DYNC2H1: variants seen among roughly 807,000 people sequenced by gnomAD.
DYNC2H1 encodes the protein dynein cytoplasmic 2 heavy chain 1.
DYNC2H1 carries 410 observed loss-of-function variants against 570.0 expected under a neutral mutation model. That is an observed-to-expected ratio of 0.72 (90% CI 0.66 to 0.78). DYNC2H1 has a LOEUF of 0.78. DYNC2H1 is among the 30% of genes least tolerant of loss of function. The probability of loss-of-function intolerance (pLI) is 0.00; values close to 1 mark genes in which losing one functional copy is unlikely to be tolerated. For missense variants in DYNC2H1, 4,865 were observed against 5,046.4 expected (o/e 0.96, Z 1.09); for synonymous variants, 1,688 against 1,677.6 (o/e 1.01, Z -0.15).
At chr11:103,337,341 A>G (rs907947606) in intron 82 of DYNC2H1, among the ~76,000 whole-genome samples, 4 of 152,096 alleles carry the variant, frequency 2.6e-5, no homozygotes, top group Admixed American at 2.0e-4. Context: ...TCCACATGCC[A>G]TATTTCTGTG....
At chr11:103,294,239 A>G (rs1454781600) in intron 75 of DYNC2H1, among the ~76,000 whole-genome samples, 2 of 152,130 alleles carry the variant, frequency 1.3e-5, no homozygotes, top group Admixed American at 1.3e-4. Flanking sequence ...TGCTGAGGTC[A>G]TGTTTTCTTG....
chr11:103,478,951 G>A (rs1353995972), intron 88 of DYNC2H1, 144 bp from the exon 89 acceptor site: 1 of 934,748 alleles, frequency 1.1e-6, no homozygotes, highest in Admixed American at 2.8e-5. Context: ...GTTTCATTTT[G>A]TTGCAGGGGG....
chr11:103,199,816 A>G lies in DYNC2H1; in HGVS notation c.8089-230A>G, dbSNP rs72989785. On this transcript the variant is annotated intron_variant, in intron 49 of 88. Coordinates refer to ENST00000375735, the MANE Select transcript of DYNC2H1 (RefSeq NM_001377.3). This position sits in a 1 kb window ranked among gnomAD's most constrained non-coding sequence, Gnocchi z 4.6. Reference sequence around the variant, plus strand: ...ATATGAGTAGAGATAAAAATGATCTACTTGTTTTAATTTTAATGGCCTAGC... The same window carrying G: ...ATATGAGTAGAGATAAAAATGATCTGCTTGTTTTAATTTTAATGGCCTAGC... Among the ~76,000 whole-genome samples, 7,563 of 152,268 alleles carry G rather than the reference A, an allele frequency of 0.05. 254 individuals are homozygous for G. The highest frequency in any genetic ancestry group is 0.072 in the Non-Finnish European group (4,863 of 67,994).
In DYNC2H1 at chr11:103,170,420, T is replaced by C. The variant is rs1012284290; in HGVS notation, c.5151+130T>C. On this transcript the variant is annotated intron_variant, in intron 33 of 88. Coordinates refer to ENST00000375735, the MANE Select transcript of DYNC2H1 (RefSeq NM_001377.3). This position sits in a 1 kb window ranked among gnomAD's most constrained non-coding sequence, Gnocchi z 4.8. ...TAGTTGAAGACAGAATTTGTTTAAA[T>C]TGAAATGTAAAATGGACAGAGGTTG... The C allele has an allele frequency of 2.0e-6, 2 of 1,002,318 alleles. No individual in the cohort carries two copies. The highest frequency in any genetic ancestry group is 2.1e-5 in the South Asian group (1 of 47,758). 62.1% of individuals were successfully genotyped at this position (1,002,318 alleles called of 1,614,324 possible).
At chr11:103,425,150 G>A (rs1247536254) in intron 84 of DYNC2H1, among the ~76,000 whole-genome samples, 1 of 152,104 alleles carries the variant, frequency 6.6e-6, no homozygotes, top group African/African-American at 2.4e-5. Flanking sequence ...TGTTGGCCAG[G>A]CTGTTTTTGA....
At chr11:103,473,937 C>T (rs1176380979) in intron 88 of DYNC2H1, among the ~76,000 whole-genome samples, 1 of 152,146 alleles carries the variant, frequency 6.6e-6, no homozygotes, top group African/African-American at 2.4e-5. Context: ...ACAAGCTACT[C>T]AGGAAAACAA....
intron 35 of DYNC2H1, among the ~76,000 whole-genome samples, chr11:103,173,749 A>G (rs1024310722): frequency 6.6e-6 from 1 of 152,126 alleles, no homozygotes; most frequent in Non-Finnish European, 1.5e-5. Flanking sequence ...AGACAGTGTC[A>G]GAGATTGAGA....
intron 54 of DYNC2H1, 143 bp from the exon 55 acceptor site, chr11:103,215,578 A>C: frequency 1.4e-6 from 1 of 691,310 alleles, no homozygotes; most frequent in Middle Eastern, 4.3e-4. Context: ...AATTAGCAAT[A>C]AGAAAAAACC....
At chr11:103,300,399 GCTCT>G (rs1368311335) in intron 75 of DYNC2H1, among the ~76,000 whole-genome samples, 1 of 151,628 alleles carries the variant, frequency 6.6e-6, no homozygotes, top group Non-Finnish European at 1.5e-5. Context: ...ATTATTTTTG[GCTCT>G]CTAACTATAT....
At position 103,163,300 on chromosome 11, in the gene DYNC2H1, C is replaced by T. The variant is rs188810709; in HGVS notation, c.4611+153C>T. Among the ~76,000 whole-genome samples, 1 of 152,266 alleles carries T rather than the reference C, an allele frequency of 6.6e-6. No homozygotes were observed. The highest frequency in any genetic ancestry group is 2.4e-5 in the African/African-American group (1 of 41,570). On this transcript the variant is annotated intron_variant, in intron 30 of 88. Transcript: ENST00000375735. This position sits in a 1 kb window ranked among gnomAD's most constrained non-coding sequence, Gnocchi z 4.6. ...CTTAACTTCTGAGTCTCAGTTCCTT[C>T]AGCTGTAAAATGTGGGGGATGAATT... is the stretch of plus-strand genomic sequence containing the variant.
At position 103,350,583 on chromosome 11, in the gene DYNC2H1, A is replaced by G. The variant is rs146950359; in HGVS notation, c.12040-7660A>G. ...GTTGTATTAGTTGGCTTGGCCTGCT[A>G]TAACAAAATACCACAAATTGAGTGG... On this transcript the variant is annotated intron_variant, in intron 82 of 88. Transcript: ENST00000375735. 5.0e-3 allele frequency among the ~76,000 whole-genome samples: 757 copies of G among 152,318 alleles called. 2 individuals carry two copies. The highest frequency in any genetic ancestry group is 0.017 in the African/African-American group (724 of 41,588).
intron 55 of DYNC2H1, among the ~76,000 whole-genome samples, chr11:103,217,092 C>A (rs576005350): frequency 1.3e-5 from 2 of 152,230 alleles, no homozygotes; most frequent in South Asian, 4.1e-4. Context: ...ACCTTGTCAA[C>A]TAGGCACTAA....
chr11:103,220,550 C>T, intron 56 of DYNC2H1, 73 bp from the exon 57 acceptor site: 1 of 1,403,494 alleles, frequency 7.1e-7, no homozygotes, highest in Non-Finnish European at 9.5e-7. Context: ...GACAATAAAA[C>T]ATAATTTTTC....
Position 103,479,527 on chromosome 11 carries a change from G to C in DYNC2H1, c.*274G>C. ...CACTTTTCCAGTGGCTCAAAAATTT[G>C]TTTTAGGTCAGAGATTTTAAGTGGT... is the stretch of plus-strand genomic sequence containing the variant. On this transcript the variant is annotated 3_prime_UTR_variant, in exon 89 of 89. Coordinates refer to ENST00000375735, the MANE Select transcript of DYNC2H1 (RefSeq NM_001377.3). The C allele has an allele frequency of 4.0e-6, 1 of 250,710 alleles. No individual in the cohort carries two copies. The highest frequency in any genetic ancestry group is 7.4e-6 in the Non-Finnish European group (1 of 134,362). 15.5% of individuals were successfully genotyped at this position (250,710 alleles called of 1,614,324 possible).
In DYNC2H1 at chr11:103,241,249, T is replaced by C. The variant is rs1864412346; in HGVS notation, c.9820-2444T>C. Reference sequence around the variant, plus strand: ...CTGTACTCCTTGTACTATCTTACTATAGTTGTTATCCAACATATAGTAGAT... The same window carrying C: ...CTGTACTCCTTGTACTATCTTACTACAGTTGTTATCCAACATATAGTAGAT... On this transcript the variant is annotated intron_variant, in intron 63 of 88. Transcript: ENST00000375735. This position sits in a 1 kb window ranked among gnomAD's most constrained non-coding sequence, Gnocchi z 5.1. Among the ~76,000 whole-genome samples the C allele has an allele frequency of 6.6e-6, 1 of 152,212 alleles. No homozygotes were observed. Among genetic ancestry groups the C allele is most frequent in the Non-Finnish European group, 1.5e-5 (1 of 68,040 alleles).
In DYNC2H1 at chr11:103,243,278, TA is replaced by T. The variant is rs1864487635; in HGVS notation, c.9820-414del. Among the ~76,000 whole-genome samples the T allele has an allele frequency of 7.3e-6, 1 of 136,460 alleles. No homozygotes were observed. The highest frequency in any genetic ancestry group is 1.6e-5 in the Non-Finnish European group (1 of 62,876). The allele number at this position is 136,460 out of a possible 152,430, so 89.5% of individuals were successfully genotyped here. ...GAATATAGATAGATAGATAGATAGA[TA>T]GATAGATAGATAGATAGATAGATAG... On this transcript the variant is annotated intron_variant, in intron 63 of 88. Coordinates refer to ENST00000375735, the MANE Select transcript of DYNC2H1 (RefSeq NM_001377.3). The surrounding 1 kb of genome is among the most constrained non-coding windows in gnomAD (Gnocchi z 4.8).
chr11:103,241,656 G>T lies in DYNC2H1; in HGVS notation c.9820-2037G>T, dbSNP rs1211244711. On this transcript the variant is annotated intron_variant, in intron 63 of 88. Transcript: ENST00000375735. This position sits in a 1 kb window ranked among gnomAD's most constrained non-coding sequence, Gnocchi z 5.1. The stretch of plus-strand genomic sequence containing the variant: ...AGCATAAAATTAGATCAAAAACCTA[G>T]GTGCAGCACCATGGTAACACTTCAC... 2.3e-6 allele frequency: 2 copies of T among 886,180 alleles called. No individual in the cohort carries two copies. The highest frequency in any genetic ancestry group is 3.5e-6 in the Non-Finnish European group (2 of 578,406). The allele number at this position is 886,180 out of a possible 1,614,324, so 54.9% of individuals were successfully genotyped here.
rs767257398 is a variant in DYNC2H1, at chr11:103,128,970, T to C, written c.1918T>C (p.Leu640=). 5.0e-6 allele frequency: 8 copies of C among 1,605,314 alleles called. No homozygotes were observed. The highest frequency in any genetic ancestry group is 6.8e-6 in the Non-Finnish European group (8 of 1,176,790). Reference sequence around the variant, plus strand: ...GATTCAAAGTCAGAGGCCAATGATGTTACAATCTGCCTTAGCATTTGAACA... The same window carrying C: ...GATTCAAAGTCAGAGGCCAATGATGCTACAATCTGCCTTAGCATTTGAACA... ...QMIQSQRPMM[L]QSALAFEQII... The change falls in exon 13 of 89, where the codon TTA becomes CTA. Residue 640 remains leucine, a synonymous_variant. Coordinates refer to ENST00000375735, the MANE Select transcript of DYNC2H1 (RefSeq NM_001377.3).
chr11:103,461,288 A>G lies in DYNC2H1; in HGVS notation c.12648+4932A>G, dbSNP rs1000428990. Among the ~76,000 whole-genome samples the G allele has an allele frequency of 1.3e-5, 2 of 150,482 alleles. No individual in the cohort carries two copies. Among genetic ancestry groups the G allele is most frequent in the Non-Finnish European group, 3.0e-5 (2 of 67,708 alleles). ...TGAATTATACTTGAATTTTACTATCACTATAATTTTATTAGTTTTTTTTAA... is the reference window on the plus strand; with the variant it reads ...TGAATTATACTTGAATTTTACTATCGCTATAATTTTATTAGTTTTTTTTAA... On this transcript the variant is annotated intron_variant, in intron 87 of 88. Transcript: ENST00000375735. This position sits in a 1 kb window ranked among gnomAD's most constrained non-coding sequence, Gnocchi z 4.8.
Sources: allele counts gnomAD v4.1 joint callset (sites outside exome capture counted in the v4.1 genomes callset), GRCh38; gene constraint gnomAD v4.1.1; non-coding constraint Gnocchi (gnomAD v3.1); transcripts MANE v1.5; gene names NCBI Gene and HGNC (gene_info 2026-07-23, HGNC 2026-07-21).